VPS13A: variants seen among roughly 807,000 people sequenced by gnomAD.
The protein encoded by VPS13A is vacuolar protein sorting 13 homolog A.
Under a neutral mutation model 390.9 loss-of-function variants are expected in VPS13A, and 264 were observed. That is an observed-to-expected ratio of 0.68 (90% CI 0.61 to 0.75). VPS13A has a LOEUF of 0.75. Ranked by LOEUF, VPS13A falls within the 30% of genes least tolerant of loss-of-function variation. The probability of loss-of-function intolerance (pLI) is 0.00; values close to 1 mark genes in which losing one functional copy is unlikely to be tolerated. For synonymous variants in VPS13A, 1,231 were observed against 1,227.1 expected (o/e 1.00, Z -0.07); for missense variants, 3,409 against 3,733.9 (o/e 0.91, Z 2.27).
At chr9:77,195,011 A>G (rs777586447) in intron 1 of VPS13A, among the ~76,000 whole-genome samples, 4 of 152,062 alleles carry the variant, frequency 2.6e-5, no homozygotes, top group East Asian at 1.9e-4. Flanking sequence ...TTTGTTGCCT[A>G]TGCTTTTGGT....
At chr9:77,256,932 GT>G (rs1208193241) in intron 22 of VPS13A, among the ~76,000 whole-genome samples, 1 of 151,476 alleles carries the variant, frequency 6.6e-6, no homozygotes, top group African/African-American at 2.4e-5. Flanking sequence ...GTTGCATCCT[GT>G]TTTTTAATCC....
At position 77,273,352 on chromosome 9, in the gene VPS13A, G is replaced by C. The variant is rs201567434; in HGVS notation, c.2500G>C (p.Val834Leu). 9.9e-6 allele frequency: 16 copies of C among 1,608,308 alleles called. No individual in the cohort carries two copies. Among genetic ancestry groups the C allele is most frequent in the Non-Finnish European group, 1.4e-5 (16 of 1,176,956 alleles). Reference sequence around the variant, plus strand: ...AATTCCTCTCTTGGAACTTCCATCTGTTTCTGAAGATGGTAAAATGAAACT... The same window carrying C: ...AATTCCTCTCTTGGAACTTCCATCTCTTTCTGAAGATGGTAAAATGAAACT... ...KIIPLLELPSVSEDDSEEEFF... is the reference protein window; with the variant it reads ...KIIPLLELPSLSEDDSEEEFF... The change falls in exon 24 of 72, where the codon GTT becomes CTT. Residue 834 changes from valine to leucine, a missense_variant. Around this residue, in one of 5 missense-constraint regions of VPS13A, gnomAD observed 2,717 missense variants for 2,917.4 expected, o/e 0.93. Transcript: ENST00000360280.
chr9:77,275,912 A>G (rs1314095246), intron 25 of VPS13A, among the ~76,000 whole-genome samples, 153 bp from the exon 26 acceptor site: 4 of 151,012 alleles, frequency 2.6e-5, no homozygotes, highest in East Asian at 1.9e-4. Context: ...TTGTGTGTGT[A>G]TTGTATGTCT....
At chr9:77,183,627 C>T (rs1171605635) in intron 1 of VPS13A, among the ~76,000 whole-genome samples, 1 of 152,148 alleles carries the variant, frequency 6.6e-6, no homozygotes, top group African/African-American at 2.4e-5. Flanking sequence ...GTTAATATGT[C>T]TCCTGGGGAT....
At chr9:77,304,544 T>C (rs1296340715) in intron 34 of VPS13A, among the ~76,000 whole-genome samples, 1 of 152,172 alleles carries the variant, frequency 6.6e-6, no homozygotes, top group Non-Finnish European at 1.5e-5. Flanking sequence ...AAATACTAAT[T>C]TTGGTGTCAC....
intron 59 of VPS13A, among the ~76,000 whole-genome samples, chr9:77,364,930 A>T (rs1317047626): frequency 6.6e-6 from 1 of 152,172 alleles, no homozygotes; most frequent in African/African-American, 2.4e-5. Flanking sequence ...TAAAATGTGA[A>T]TCTTGGGGCT....
At chr9:77,320,695 A>G (rs552964480) in intron 42 of VPS13A, among the ~76,000 whole-genome samples, 1 of 152,230 alleles carries the variant, frequency 6.6e-6, no homozygotes, top group South Asian at 2.1e-4. Context: ...TGGTCAGCAG[A>G]TCTGTGACTC....
chr9:77,207,235 A>ACG (rs1437282518), intron 5 of VPS13A, among the ~76,000 whole-genome samples: 1 of 109,048 alleles, frequency 9.2e-6, no homozygotes, highest in Non-Finnish European at 1.9e-5. Context: ...ATATATATAT[A>ACG]TATATATATA....
chr9:77,266,558 G>A (rs1338243837), intron 23 of VPS13A, among the ~76,000 whole-genome samples: 7 of 151,920 alleles, frequency 4.6e-5, no homozygotes, highest in African/African-American at 1.7e-4. Context: ...TTCCCTTTGT[G>A]GGTAACCTGA....
chr9:77,185,754 A>T (rs569590146), intron 1 of VPS13A, among the ~76,000 whole-genome samples: 1 of 152,260 alleles, frequency 6.6e-6, no homozygotes, highest in Admixed American at 6.5e-5. Flanking sequence ...CATACCAATT[A>T]TGCTTCTTAA....
At chr9:77,303,856 C>T (rs1468529683) in intron 34 of VPS13A, among the ~76,000 whole-genome samples, 1 of 152,144 alleles carries the variant, frequency 6.6e-6, no homozygotes, top group Non-Finnish European at 1.5e-5. Flanking sequence ...GGCGGTTTTT[C>T]TCCTATCTCA....
At chr9:77,230,834 A>G (rs1237113078) in intron 17 of VPS13A, among the ~76,000 whole-genome samples, 1 of 152,140 alleles carries the variant, frequency 6.6e-6, no homozygotes, top group African/African-American at 2.4e-5. Flanking sequence ...TTCAGCACAA[A>G]TTATTCAGCT....
intron 13 of VPS13A, among the ~76,000 whole-genome samples, chr9:77,225,459 T>C (rs1382943251): frequency 6.6e-6 from 1 of 152,114 alleles, no homozygotes; most frequent in East Asian, 1.9e-4. Flanking sequence ...TTGCCCAGGC[T>C]GGTCTGGAAC....
chr9:77,302,368 CTTTTTTTTTTTT>C (rs58598132), intron 33 of VPS13A, among the ~76,000 whole-genome samples: 20 of 117,816 alleles, frequency 1.7e-4, no homozygotes, highest in Non-Finnish European at 3.0e-4. Flanking sequence ...TATTTTTCCC[CTTTTTTTTTTTT>C]TTTTTTTTTG....
intron 9 of VPS13A, 85 bp from the exon 10 acceptor site, chr9:77,214,244 C>T: frequency 8.3e-7 from 1 of 1,211,612 alleles, no homozygotes. Context: ...CCACTGCCCT[C>T]CAGCCTGGGT....
At position 77,419,546 on chromosome 9, in the gene VPS13A, C is replaced by CTT. The variant is rs1835282037; in HGVS notation, c.*3541_*3542dup. ...CCACAACTCAGGAAGTCTAGAGATG[C>CTT]TTAGCACTTCTTCTTTTGAGTGAGA... On this transcript the variant is annotated 3_prime_UTR_variant, in exon 72 of 72. Transcript: ENST00000360280. 6.6e-6 allele frequency: 1 copy of CTT among 152,180 alleles called. No homozygotes were observed. The highest frequency in any genetic ancestry group is 2.4e-5 in the African/African-American group (1 of 41,442). 9.4% of individuals were successfully genotyped at this position (152,180 alleles called of 1,614,324 possible).
intron 47 of VPS13A, 96 bp from the exon 48 acceptor site, chr9:77,339,420 A>G: frequency 8.0e-7 from 1 of 1,249,308 alleles, no homozygotes; most frequent in South Asian, 1.5e-5. Context: ...TTTCAAAAGC[A>G]TTTTTTGCAG....
chr9:77,353,974 A>G (rs908120043), intron 54 of VPS13A, among the ~76,000 whole-genome samples: 4 of 152,102 alleles, frequency 2.6e-5, no homozygotes, highest in African/African-American at 9.6e-5. Flanking sequence ...CAGGGTACAT[A>G]TGCTGTAGCT....
chr9:77,373,844 C>A (rs1587683964), intron 67 of VPS13A, among the ~76,000 whole-genome samples: 3 of 152,174 alleles, frequency 2.0e-5, no homozygotes, highest in African/African-American at 7.2e-5. Flanking sequence ...ACAGACACTT[C>A]TCAAAAGAAG....
Sources: gnomAD v4.1 joint callset for allele counts (sites outside exome capture counted in the v4.1 genomes callset) on GRCh38, gnomAD v4.1.1 for gene constraint, gnomAD v4.1.1 regional missense constraint, MANE v1.5 for transcripts, NCBI Gene and HGNC (gene_info 2026-07-23, HGNC 2026-07-21) for gene names.